Variants in DRC3 observed in about 807,000 individuals in gnomAD.
The protein encoded by DRC3 is leucine rich repeat containing 48.
In DRC3, 45 loss-of-function variants were observed where a neutral mutation model predicts 57.6. That is an observed-to-expected ratio of 0.78 (90% CI 0.62 to 1.00). The LOEUF (loss-of-function observed/expected upper bound fraction) is 1.00. DRC3 is among the 50% of genes least tolerant of loss of function. The pLI is 0.00. For synonymous variants in DRC3, 257 were observed against 272.3 expected (o/e 0.94, Z 0.55); for missense variants, 655 against 675.2 (o/e 0.97, Z 0.33).
chr17:17,988,604 A>G (rs976865276), intron 5 of DRC3: 1 of 153,556 alleles, frequency 6.5e-6, no homozygotes, highest in Admixed American at 6.5e-5. Flanking sequence ...GGGGTGTGGC[A>G]GCAGCTTTAA....
intron 10 of DRC3, chr17:18,005,174 G>A (rs766556333): frequency 7.9e-5 from 12 of 152,260 alleles, no homozygotes; most frequent in Non-Finnish European, 1.3e-4. Flanking sequence ...TGCCAGGGGC[G>A]AGTGAGGCAG....
intron 3 of DRC3, among the ~76,000 whole-genome samples, chr17:17,982,218 C>CTT (rs1158596529): frequency 1.4e-5 from 2 of 141,060 alleles, no homozygotes; most frequent in Admixed American, 7.1e-5. Context: ...GTCTCCATCT[C>CTT]TTTTTTTTTT....
chr17:18,006,900 G>A (rs2043974057), intron 11 of DRC3, 124 bp from the exon 12 acceptor site: 7 of 1,456,000 alleles, frequency 4.8e-6, no homozygotes, highest in African/African-American at 1.4e-5. Flanking sequence ...GTGAGTGGAC[G>A]GTGCTGCCAG....
At chr17:17,995,541 C>T (rs1419703449) in intron 8 of DRC3, 1 of 174,814 alleles carries the variant, frequency 5.7e-6, no homozygotes, top group African/African-American at 2.4e-5. Flanking sequence ...TGTCCAGGGT[C>T]ACCCCATTAG....
At chr17:17,993,032 G>C (rs762182298) in intron 6 of DRC3, 121 bp downstream of exon 6, 1 of 1,040,916 alleles carries the variant, frequency 9.6e-7, no homozygotes, top group Admixed American at 2.2e-5. Context: ...AGAAAGGGCA[G>C]CTCCCTCTTC....
At chr17:17,987,784 T>G (rs2043030019) in intron 4 of DRC3, 148 bp from the exon 5 acceptor site, 6 of 737,950 alleles carry the variant, frequency 8.1e-6, no homozygotes, top group Middle Eastern at 3.9e-4. Flanking sequence ...TCTAAAAAAA[T>G]CACAAACTAT....
intron 8 of DRC3, among the ~76,000 whole-genome samples, 180 bp downstream of exon 8, chr17:17,995,291 G>T (rs1334528119): frequency 6.6e-6 from 1 of 152,222 alleles, no homozygotes; most frequent in African/African-American, 2.4e-5. Context: ...GAGCTGCATG[G>T]GGGAGATGCT....
intron 1 of DRC3, 64 bp downstream of exon 1, chr17:17,973,038 T>C (rs900189280): frequency 6.6e-6 from 1 of 152,106 alleles, no homozygotes; most frequent in African/African-American, 2.4e-5. Context: ...GACGTAACTC[T>C]TTCCTGTGAC....
At chr17:17,985,077 C>G (rs902893450) in intron 4 of DRC3, among the ~76,000 whole-genome samples, 3 of 152,210 alleles carry the variant, frequency 2.0e-5, no homozygotes, top group Admixed American at 1.3e-4. Flanking sequence ...AATGCTGATT[C>G]ATGAATGCCA....
At chr17:17,984,756 C>T (rs1411457405) in intron 4 of DRC3, among the ~76,000 whole-genome samples, 1 of 152,144 alleles carries the variant, frequency 6.6e-6, no homozygotes, top group Non-Finnish European at 1.5e-5. Flanking sequence ...TGTCTGACCT[C>T]ACAGCCCACA....
At chr17:17,980,071 G>A (rs1443450967) in intron 3 of DRC3, among the ~76,000 whole-genome samples, 1 of 152,220 alleles carries the variant, frequency 6.6e-6, no homozygotes, top group Non-Finnish European at 1.5e-5. Context: ...CCAGCTCTAG[G>A]GGAAGGGCGG....
At chr17:17,989,400 T>A (rs1445847033) in intron 5 of DRC3, 1 of 152,296 alleles carries the variant, frequency 6.6e-6, no homozygotes, top group African/African-American at 2.4e-5. Context: ...GGGGCAGGTC[T>A]ACATTTAGGA....
Position 18,016,566 on chromosome 17 carries a change from G to C in DRC3, c.1467G>C (p.Lys489Asn), listed in dbSNP as rs1207384684. The C allele has an allele frequency of 1.2e-6, 2 of 1,611,720 alleles. No individual in the cohort carries two copies. Among genetic ancestry groups the C allele is most frequent in the African/African-American group, 1.3e-5 (1 of 74,828 alleles). Reference protein sequence around the residue: ...WCTRLIDRIHKDEIMRNRKRV... With the variant: ...WCTRLIDRIHNDEIMRNRKRV... ...TTGGTTTCACTCCTCAGATTCACAA[G>C]GATGAGATCATGAGGAACCGCAAGC... The change falls in exon 14 of 14, where the codon AAG (lysine) becomes AAC (asparagine). Residue 489 changes from lysine (K) to asparagine (N), a missense_variant. By Grantham distance (94) the Lys-to-Asn change is moderately conservative (BLOSUM62 0). Transcript: ENST00000399187.
In DRC3 at chr17:17,994,437, G is replaced by C. The variant is rs1397477396; in HGVS notation, c.711+19G>C. 6.5e-7 allele frequency: 1 copy of C among 1,549,344 alleles called. No individual in the cohort carries two copies. Among genetic ancestry groups the C allele is most frequent in the South Asian group, 1.2e-5 (1 of 83,990 alleles). On this transcript the variant is annotated intron_variant, in intron 7 of 13. Transcript: ENST00000399187. ...GCACAAGGTACCGTTCCGGCAGGCTGCACGCCCTCGGCCCCCTCAGATGCC... is the reference window on the plus strand; with the variant it reads ...GCACAAGGTACCGTTCCGGCAGGCTCCACGCCCTCGGCCCCCTCAGATGCC...
At chr17:17,979,709 G>T (rs1233671169) in intron 3 of DRC3, among the ~76,000 whole-genome samples, 1 of 152,200 alleles carries the variant, frequency 6.6e-6, no homozygotes, top group African/African-American at 2.4e-5. Flanking sequence ...GAGTGCTACT[G>T]CTGGGGGGCT....
At chr17:17,984,147 A>G (rs185651344) in intron 4 of DRC3, among the ~76,000 whole-genome samples, 4 of 152,342 alleles carry the variant, frequency 2.6e-5, no homozygotes. Context: ...AAAGTGCAGC[A>G]AAGATGTGCT....
Position 17,992,892 on chromosome 17 carries a change from G to A in DRC3, c.572G>A (p.Arg191Gln), listed in dbSNP as rs757392054. 6.8e-6 allele frequency: 11 copies of A among 1,613,912 alleles called. No individual in the cohort carries two copies. The highest frequency in any genetic ancestry group is 5.5e-5 in the South Asian group (5 of 91,074). Reference sequence around the variant, plus strand: ...CCTGACCTCATGTACCTGGACTACCGGCGCATTGATGACCACACAGCAAGT... The same window carrying A: ...CCTGACCTCATGTACCTGGACTACCAGCGCATTGATGACCACACAGCAAGT... ...YLPDLMYLDY[R>Q]RIDDHTKKLA... The change falls in exon 6 of 14, where the codon CGG becomes CAG. Residue 191 changes from arginine to glutamine, a missense_variant. Transcript: ENST00000399187.
At chr17:18,015,661 C>T (rs2044333050) in intron 12 of DRC3, 2 of 180,566 alleles carry the variant, frequency 1.1e-5, no homozygotes, top group African/African-American at 2.3e-5. Context: ...CCTCGAGACC[C>T]TCAGCCAGCC....
At position 17,994,494 on chromosome 17, in the gene DRC3, C is replaced by T. The variant is rs963776519; in HGVS notation, c.711+76C>T. 9.3e-6 allele frequency: 14 copies of T among 1,511,552 alleles called. No individual in the cohort carries two copies. In the African/African-American group the frequency reaches 1.9e-4, roughly 21 times the overall value. The allele number at this position is 1,511,552 out of a possible 1,614,324, so 93.6% of individuals were successfully genotyped here. A position where few individuals can be genotyped will look rare whatever the true frequency, so the allele number is the denominator to read the frequency against. On this transcript the variant is annotated intron_variant, in intron 7 of 13. Coordinates refer to ENST00000399187, the MANE Select transcript of DRC3 (RefSeq NM_031294.4). ...AGGGCACTGATCAAGTAAAACGGTC[C>T]TCAGGGATCCCCAGGCTCTGAAAAC...
Sources: gnomAD v4.1 joint callset for allele counts (sites outside exome capture counted in the v4.1 genomes callset) on GRCh38, gnomAD v4.1.1 for gene constraint, MANE v1.5 for transcripts, NCBI Gene and HGNC (gene_info 2026-07-23, HGNC 2026-07-21) for gene names.